LRRC4C: variants seen among roughly 807,000 people sequenced by gnomAD.
The protein encoded by LRRC4C is leucine-rich repeat-containing protein 4C.
A neutral mutation model predicts 33.6 loss-of-function variants in LRRC4C; 5 were observed. The observed-to-expected ratio is 0.15, with a 90% CI of 0.08 to 0.31. LRRC4C has a LOEUF of 0.31. Ranked by LOEUF, LRRC4C falls within the 10% of genes least tolerant of loss-of-function variation. The pLI is 1.00. For synonymous variants in LRRC4C, 329 were observed against 302.0 expected (o/e 1.09, Z -0.93); for missense variants, 560 against 796.7 (o/e 0.70, Z 3.58).
In LRRC4C at chr11:40,783,450, C is replaced by G. The variant is rs533882553; in HGVS notation, c.-406-135172G>C. ...AGCTGGGACTACAGGCATGCACTAC[C>G]ACTGCCAGCTATTTGTTTCTTTTTT... On this transcript the variant is annotated intron_variant, in intron 2 of 6. Coordinates refer to ENST00000528697, the MANE Select transcript of LRRC4C (RefSeq NM_001258419.2). 1.8e-3 allele frequency among the ~76,000 whole-genome samples: 273 copies of G among 152,002 alleles called. 2 individuals carry two copies. The highest frequency in any genetic ancestry group is 6.5e-3 in the African/African-American group (270 of 41,462).
intron 1 of LRRC4C, among the ~76,000 whole-genome samples, chr11:41,353,212 A>G (rs1413576258): frequency 6.6e-6 from 1 of 152,108 alleles, no homozygotes; most frequent in Non-Finnish European, 1.5e-5. Flanking sequence ...CCCCAGAAAA[A>G]CAAAAAATCC....
intron 1 of LRRC4C, among the ~76,000 whole-genome samples, chr11:41,174,629 C>A (rs989055584): frequency 1.3e-5 from 2 of 152,038 alleles, no homozygotes; most frequent in Non-Finnish European, 2.9e-5. Context: ...TACCAGTTAA[C>A]CAGCATCATC....
intron 2 of LRRC4C, among the ~76,000 whole-genome samples, chr11:40,898,366 A>AAAAAAAAAAAAG (rs1554991246): frequency 4.3e-5 from 5 of 117,460 alleles, no homozygotes; most frequent in East Asian, 2.6e-4. Flanking sequence ...AAAAAAAAAA[A>AAAAAAAAAAAAG]AAAAAAGAAA....
At chr11:40,432,098 G>A (rs148344951) in intron 3 of LRRC4C, among the ~76,000 whole-genome samples, 38 of 152,242 alleles carry the variant, frequency 2.5e-4, no homozygotes, top group African/African-American at 6.5e-4. Context: ...TTTCATATCA[G>A]CTGGCACTTA....
intron 3 of LRRC4C, among the ~76,000 whole-genome samples, chr11:40,536,320 A>G (rs777503584): frequency 5.3e-5 from 8 of 152,066 alleles, no homozygotes; most frequent in African/African-American, 7.2e-5. Flanking sequence ...CAGCCTCCCA[A>G]GTAGCTGGGA....
intron 1 of LRRC4C, among the ~76,000 whole-genome samples, chr11:41,299,773 A>G (rs1950236002): frequency 6.6e-6 from 1 of 152,138 alleles, no homozygotes; most frequent in African/African-American, 2.4e-5. Context: ...TCTAGAAGCA[A>G]TAAGTTTATT....
At chr11:41,067,697 A>G (rs191309583) in intron 1 of LRRC4C, among the ~76,000 whole-genome samples, 115 of 151,878 alleles carry the variant, frequency 7.6e-4, no homozygotes, top group African/African-American at 2.7e-3. Flanking sequence ...AAAAGAATTA[A>G]TAACAGTCTC....
At chr11:40,545,075 A>G (rs1956860924) in intron 3 of LRRC4C, among the ~76,000 whole-genome samples, 1 of 151,984 alleles carries the variant, frequency 6.6e-6, no homozygotes, top group Non-Finnish European at 1.5e-5. Context: ...GACCCAGCTC[A>G]AATAGCACCT....
At chr11:41,074,515 A>G (rs1050359509) in intron 1 of LRRC4C, among the ~76,000 whole-genome samples, 1 of 152,190 alleles carries the variant, frequency 6.6e-6, no homozygotes, top group Non-Finnish European at 1.5e-5. Context: ...TTCTTAAATA[A>G]ACAAGACATT....
At chr11:40,777,415 G>A (rs1314512800) in intron 2 of LRRC4C, among the ~76,000 whole-genome samples, 1 of 151,216 alleles carries the variant, frequency 6.6e-6, no homozygotes. Context: ...AATTTGGGGT[G>A]TGTATATGTT....
intron 1 of LRRC4C, among the ~76,000 whole-genome samples, chr11:41,200,839 A>C (rs894986267): frequency 6.6e-6 from 1 of 152,220 alleles, no homozygotes; most frequent in African/African-American, 2.4e-5. Context: ...TTATTTGCTA[A>C]GTTATCTAAA....
intron 3 of LRRC4C, among the ~76,000 whole-genome samples, chr11:40,647,432 AT>A (rs1942535497): frequency 1.3e-5 from 2 of 152,078 alleles, no homozygotes; most frequent in African/African-American, 4.8e-5. Context: ...GATGGCTTCT[AT>A]TTCTAGGTGT....
intron 2 of LRRC4C, among the ~76,000 whole-genome samples, chr11:40,742,463 T>A (rs1010238457): frequency 6.6e-6 from 1 of 151,986 alleles, no homozygotes; most frequent in Admixed American, 6.6e-5. Context: ...TCAATCACAT[T>A]TTGCACCTGT....
At chr11:41,410,771 T>C (rs1428079646) in intron 1 of LRRC4C, among the ~76,000 whole-genome samples, 1 of 152,124 alleles carries the variant, frequency 6.6e-6, no homozygotes, top group Non-Finnish European at 1.5e-5. Flanking sequence ...CAACACCCGT[T>C]AATCAATGCT....
chr11:41,182,074 G>A (rs1056054971), intron 1 of LRRC4C, among the ~76,000 whole-genome samples: 12 of 152,114 alleles, frequency 7.9e-5, no homozygotes, highest in Non-Finnish European at 1.2e-4. Context: ...TGTTGTTTAC[G>A]TATTCTAGGA....
At chr11:40,833,466 AG>A (rs1185522829) in intron 2 of LRRC4C, among the ~76,000 whole-genome samples, 1 of 152,164 alleles carries the variant, frequency 6.6e-6, no homozygotes, top group African/African-American at 2.4e-5. Context: ...TAATATAAAA[AG>A]TATCAATGAG....
At chr11:40,708,689 G>T (rs188117471) in intron 2 of LRRC4C, among the ~76,000 whole-genome samples, 1 of 151,684 alleles carries the variant, frequency 6.6e-6, no homozygotes, top group East Asian at 1.9e-4. Context: ...TGTATATTCT[G>T]TTGGGGTGGA....
At chr11:40,524,907 G>A (rs1218417467) in intron 3 of LRRC4C, among the ~76,000 whole-genome samples, 1 of 152,162 alleles carries the variant, frequency 6.6e-6, no homozygotes, top group Non-Finnish European at 1.5e-5. Flanking sequence ...GGAACGATTA[G>A]TTACTACTAT....
chr11:41,079,687 C>T (rs1939420794), intron 1 of LRRC4C, among the ~76,000 whole-genome samples: 1 of 152,196 alleles, frequency 6.6e-6, no homozygotes, highest in Non-Finnish European at 1.5e-5. Flanking sequence ...CTTGTCCAAC[C>T]AGTGGCCTAT....
Sources: gnomAD v4.1 joint callset for allele counts (sites outside exome capture counted in the v4.1 genomes callset) on GRCh38, gnomAD v4.1.1 for gene constraint, MANE v1.5 for transcripts, NCBI Gene and HGNC (gene_info 2026-07-23, HGNC 2026-07-21) for gene names.